The following ERBB4 variants were observed in gnomAD, a reference collection of about 807,000 sequenced individuals.
The protein encoded by ERBB4 is receptor tyrosine-protein kinase erbB-4.
A neutral mutation model predicts 158.0 loss-of-function variants in ERBB4; 42 were observed. That is an observed-to-expected ratio of 0.27 (90% CI 0.21 to 0.34). The LOEUF (loss-of-function observed/expected upper bound fraction) is 0.34. ERBB4 is among the 10% of genes least tolerant of loss of function. ERBB4 has a pLI of 1.00. For missense variants in ERBB4, 1,333 were observed against 1,624.1 expected (o/e 0.82, Z 3.08); for synonymous variants, 583 against 558.7 (o/e 1.04, Z -0.61).
chr2:211,902,132 G>T (rs1407320662), intron 3 of ERBB4, among the ~76,000 whole-genome samples: 1 of 151,776 alleles, frequency 6.6e-6, no homozygotes, highest in Non-Finnish European at 1.5e-5. Context: ...GTTTAAATAT[G>T]TGATCTCTTC....
At chr2:212,134,777 G>T (rs572789552) in intron 1 of ERBB4, among the ~76,000 whole-genome samples, 1 of 148,114 alleles carries the variant, frequency 6.8e-6, no homozygotes, top group African/African-American at 2.5e-5. Flanking sequence ...TCTGCCTCCC[G>T]GGTTCATGCC....
chr2:212,408,903 T>C (rs2091422807), intron 1 of ERBB4, among the ~76,000 whole-genome samples: 1 of 152,182 alleles, frequency 6.6e-6, no homozygotes, highest in Non-Finnish European at 1.5e-5. Context: ...TTTCAAGTGA[T>C]CAGCAGCAGC....
At chr2:211,678,674 A>C (rs2072200194) in intron 13 of ERBB4, among the ~76,000 whole-genome samples, 1 of 152,184 alleles carries the variant, frequency 6.6e-6, no homozygotes, top group Non-Finnish European at 1.5e-5. Context: ...TAATTTTAAA[A>C]ATCAGAGCTA....
chr2:212,125,854 A>T (rs190031489), intron 1 of ERBB4, among the ~76,000 whole-genome samples: 2 of 152,232 alleles, frequency 1.3e-5, no homozygotes, highest in African/African-American at 2.4e-5. Context: ...TGTCTTTTCT[A>T]TTGGGAATAG....
intron 3 of ERBB4, among the ~76,000 whole-genome samples, chr2:211,809,233 T>C (rs1441398789): frequency 1.3e-5 from 2 of 152,224 alleles, no homozygotes; most frequent in Non-Finnish European, 2.9e-5. Context: ...TCCCTCTTTT[T>C]CTATTGATTG....
Position 212,141,021 on chromosome 2 carries a change from T to A in ERBB4, c.83-16118A>T, listed in dbSNP as rs371227857. 3.3e-5 allele frequency among the ~76,000 whole-genome samples: 5 copies of A among 151,964 alleles called. No homozygotes were observed. In the South Asian group the frequency reaches 1.0e-3, roughly 32 times the overall value. On this transcript the variant is annotated intron_variant, in intron 1 of 27. Coordinates refer to ENST00000342788, the MANE Select transcript of ERBB4 (RefSeq NM_005235.3). ...TAATTATTTATCTCTTCTGATCTCATATTTTAAATTATATTACTAATGTCT... is the reference window on the plus strand; with the variant it reads ...TAATTATTTATCTCTTCTGATCTCAAATTTTAAATTATATTACTAATGTCT...
intron 1 of ERBB4, among the ~76,000 whole-genome samples, chr2:212,240,658 A>C (rs1574499483): frequency 2.8e-5 from 4 of 143,468 alleles, no homozygotes; most frequent in Admixed American, 1.4e-4. Context: ...AAAAAAAAAA[A>C]AAAAAAAAAC....
chr2:212,208,152 A>T (rs1274775483), intron 1 of ERBB4, among the ~76,000 whole-genome samples: 1 of 152,146 alleles, frequency 6.6e-6, no homozygotes. Context: ...CTTGAAAGAG[A>T]AAAATGAACT....
Position 212,315,507 on chromosome 2 carries a change from CTT to C in ERBB4, c.83-190606_83-190605del, listed in dbSNP as rs200833609. Reference sequence around the variant, plus strand: ...AAAACAGGTATATAGCAACAAATAACTTTGATTAGATACTGATTCTATGCTGG... The same window carrying C: ...AAAACAGGTATATAGCAACAAATAACTGATTAGATACTGATTCTATGCTGG... On this transcript the variant is annotated intron_variant, in intron 1 of 27. Transcript: ENST00000342788. 3.2e-3 allele frequency among the ~76,000 whole-genome samples: 488 copies of C among 151,546 alleles called. 3 individuals are homozygous for C. The highest frequency in any genetic ancestry group is 0.011 in the African/African-American group (453 of 41,444).
chr2:211,731,129 T>C (rs896845365), intron 5 of ERBB4, among the ~76,000 whole-genome samples: 13 of 152,138 alleles, frequency 8.5e-5, no homozygotes, highest in African/African-American at 3.1e-4. Context: ...GCAAACATTA[T>C]GGATAAATGA....
rs530405223 is a variant in ERBB4 at position 212,426,484 on chromosome 2, T to G, written c.82+111965A>C. 7 of 356,984 alleles carry G rather than the reference T, an allele frequency of 2.0e-5. No homozygotes were observed. In the East Asian group the frequency reaches 3.9e-4, roughly 20 times the overall value. 22.1% of individuals were successfully genotyped at this position (356,984 alleles called of 1,614,324 possible). A position where few individuals can be genotyped will look rare whatever the true frequency, so the allele number is the denominator to read the frequency against. ...AGAAGCTGATATTTTTATTAAATAGTTTTCAGAAAACCTCAATCTCTTTAT... is the reference window on the plus strand; with the variant it reads ...AGAAGCTGATATTTTTATTAAATAGGTTTCAGAAAACCTCAATCTCTTTAT... On this transcript the variant is annotated intron_variant, in intron 1 of 27. Coordinates refer to ENST00000342788, the MANE Select transcript of ERBB4 (RefSeq NM_005235.3).
At chr2:212,011,213 G>T (rs1286806699) in intron 2 of ERBB4, among the ~76,000 whole-genome samples, 1 of 152,108 alleles carries the variant, frequency 6.6e-6, no homozygotes, top group Non-Finnish European at 1.5e-5. Flanking sequence ...AGTATTATTT[G>T]GGAATTGATA....
intron 20 of ERBB4, among the ~76,000 whole-genome samples, chr2:211,438,651 A>G (rs1161669753): frequency 2.0e-5 from 3 of 152,176 alleles, no homozygotes; most frequent in Admixed American, 6.6e-5. Context: ...AAGGCAGCCA[A>G]TTGAAACACC....
chr2:212,350,058 CCT>C (rs759343918), intron 1 of ERBB4, among the ~76,000 whole-genome samples: 2 of 151,988 alleles, frequency 1.3e-5, no homozygotes, highest in Non-Finnish European at 2.9e-5. Context: ...TAAAAATTAA[CCT>C]CTTTTTTTTC....
intron 1 of ERBB4, among the ~76,000 whole-genome samples, chr2:212,272,830 T>C (rs1559896580): frequency 6.6e-6 from 1 of 151,754 alleles, no homozygotes; most frequent in Non-Finnish European, 1.5e-5. Context: ...AAAAAATCAA[T>C]TGAACTTAGA....
intron 2 of ERBB4, among the ~76,000 whole-genome samples, chr2:212,091,396 T>C (rs1037300432): frequency 6.6e-6 from 1 of 152,200 alleles, no homozygotes; most frequent in African/African-American, 2.4e-5. Flanking sequence ...GATTGGGATA[T>C]GACTTACATC....
intron 20 of ERBB4, among the ~76,000 whole-genome samples, chr2:211,460,172 AATT>A (rs2064493134): frequency 1.3e-5 from 2 of 152,184 alleles, no homozygotes; most frequent in East Asian, 1.9e-4. Context: ...CAAAATTTAA[AATT>A]ATTATTACCA....
intron 2 of ERBB4, among the ~76,000 whole-genome samples, chr2:212,010,300 A>C (rs560592593): frequency 1.0e-3 from 157 of 152,260 alleles, no homozygotes; most frequent in African/African-American, 3.2e-3. Context: ...ATCAAATCTA[A>C]GCTTCTGGTG....
At chr2:211,572,560 T>C (rs2067761893) in intron 19 of ERBB4, among the ~76,000 whole-genome samples, 2 of 152,132 alleles carry the variant, frequency 1.3e-5, no homozygotes, top group African/African-American at 4.8e-5. Context: ...GTGAGTTTGG[T>C]ACTTATCCCC....
Sources: allele counts gnomAD v4.1 joint callset (sites outside exome capture counted in the v4.1 genomes callset), GRCh38; gene constraint gnomAD v4.1.1; transcripts MANE v1.5; gene names NCBI Gene and HGNC (gene_info 2026-07-23, HGNC 2026-07-21).